The following BCAS3 variants were observed in gnomAD, a reference collection of about 807,000 sequenced individuals.
BCAS3 encodes BCAS3 microtubule associated cell migration factor.
Under a neutral mutation model 116.1 loss-of-function variants are expected in BCAS3, and 53 were observed. The ratio of observed to expected loss-of-function variants is 0.46; its 90% CI spans 0.37 to 0.57. BCAS3 has a LOEUF of 0.57. Ranked by LOEUF, BCAS3 falls within the 20% of genes least tolerant of loss-of-function variation. The pLI, the probability that BCAS3 is intolerant of heterozygous loss-of-function variation, is 0.00. For synonymous variants in BCAS3, 391 were observed against 408.2 expected (o/e 0.96, Z 0.51); for missense variants, 917 against 1,165.4 (o/e 0.79, Z 3.10).
At chr17:60,953,161 A>G (rs1056703281) in intron 14 of BCAS3, among the ~76,000 whole-genome samples, 13 of 152,062 alleles carry the variant, frequency 8.5e-5, no homozygotes, top group African/African-American at 2.9e-4. Context: ...TTGAATGGCA[A>G]TTCCGTTTTT....
rs546664355 is a variant in BCAS3, at chr17:61,278,198, A to G, written c.2426-90129A>G. Among the ~76,000 whole-genome samples the G allele has an allele frequency of 3.3e-5, 5 of 152,268 alleles. No homozygotes were observed. The East Asian group carries it at 9.6e-4, about 29-fold the overall frequency. The stretch of plus-strand genomic sequence containing the variant: ...GCTGGGATTACAGACACATGCCACG[A>G]TGCCCAGCTAATTTTTGTATTTTTA... On this transcript the variant is annotated intron_variant, in intron 22 of 23. Coordinates refer to ENST00000407086, the MANE Select transcript of BCAS3 (RefSeq NM_017679.5). This position sits in a 1 kb window ranked among gnomAD's most constrained non-coding sequence, Gnocchi z 5.8.
At chr17:61,149,958 T>A (rs2077453075) in intron 22 of BCAS3, among the ~76,000 whole-genome samples, 1 of 152,086 alleles carries the variant, frequency 6.6e-6, no homozygotes, top group South Asian at 2.1e-4. Flanking sequence ...GTGGAAAAGG[T>A]GGTAACAATT....
Position 61,381,518 on chromosome 17 carries a change from T to C in BCAS3, c.2594-10459T>C, listed in dbSNP as rs140461664. 6.6e-6 allele frequency among the ~76,000 whole-genome samples: 1 copy of C among 152,310 alleles called. No individual in the cohort carries two copies. The highest frequency in any genetic ancestry group is 2.4e-5 in the African/African-American group (1 of 41,562). ...CCCAACACCATTCCTTTGGCTAGGC[T>C]TGGCCTAGAACACTAGACCAAGAAC... is the stretch of plus-strand genomic sequence containing the variant. On this transcript the variant is annotated intron_variant, in intron 23 of 23. Transcript: ENST00000407086. This position sits in a 1 kb window ranked among gnomAD's most constrained non-coding sequence, Gnocchi z 6.0.
Position 61,309,061 on chromosome 17 carries a change from GA to G in BCAS3, c.2426-59264del, listed in dbSNP as rs1190004916. 7.2e-5 allele frequency among the ~76,000 whole-genome samples: 11 copies of G among 152,214 alleles called. No homozygotes were observed. In the East Asian group the frequency reaches 2.1e-3, roughly 29 times the overall value. On this transcript the variant is annotated intron_variant, in intron 22 of 23. Coordinates refer to ENST00000407086, the MANE Select transcript of BCAS3 (RefSeq NM_017679.5). This position sits in a 1 kb window ranked among gnomAD's most constrained non-coding sequence, Gnocchi z 4.6. ...CCCTCCTCTGAGTGTCTTCAGCATG[GA>G]ATCCTCTTTCTTTCAGGAGTCCGTG...
At chr17:60,910,739 T>G (rs2058448967) in intron 12 of BCAS3, 37 bp downstream of exon 12, 1 of 1,534,416 alleles carries the variant, frequency 6.5e-7, no homozygotes, top group African/African-American at 1.4e-5. Flanking sequence ...TGTGTGTTAC[T>G]TGCAAAGATG....
At chr17:61,040,110 A>C (rs796205907) in intron 18 of BCAS3, among the ~76,000 whole-genome samples, 1 of 152,244 alleles carries the variant, frequency 6.6e-6, no homozygotes, top group African/African-American at 2.4e-5. Context: ...TGCTCCTGAC[A>C]TGTATGGAAG....
Position 61,037,773 on chromosome 17 carries a change from T to C in BCAS3, c.1763-116T>C. 1.0e-6 allele frequency: 1 copy of C among 995,654 alleles called. No individual in the cohort carries two copies. The highest frequency in any genetic ancestry group is 1.4e-6 in the Non-Finnish European group (1 of 712,192). 61.7% of individuals were successfully genotyped at this position (995,654 alleles called of 1,614,324 possible). On this transcript the variant is annotated intron_variant, in intron 17 of 23. Transcript: ENST00000407086. This position sits in a 1 kb window ranked among gnomAD's most constrained non-coding sequence, Gnocchi z 4.7. Reference sequence around the variant, plus strand: ...AAAAAAAGAAAAAAATTCCTGTCTTTTCATTTTCTCTGAGCAGCCTCAGGA... The same window carrying C: ...AAAAAAAGAAAAAAATTCCTGTCTTCTCATTTTCTCTGAGCAGCCTCAGGA...
intron 14 of BCAS3, among the ~76,000 whole-genome samples, chr17:60,951,700 T>A (rs1404547544): frequency 6.6e-6 from 1 of 152,000 alleles, no homozygotes; most frequent in Admixed American, 6.6e-5. Context: ...TGTTTATTTC[T>A]AATTAATATC....
chr17:61,075,030 T>A lies in BCAS3; in HGVS notation c.2130+10T>A. 2 of 1,583,468 alleles carry A rather than the reference T, an allele frequency of 1.3e-6. No homozygotes were observed. The highest frequency in any genetic ancestry group is 2.2e-5 in the East Asian group (1 of 44,670). Reference sequence around the variant, plus strand: ...AGAATGGCTTTCCCAGGTAAAACTCTGAAATATTGAGAGTATTAAAGTAAA... The same window carrying A: ...AGAATGGCTTTCCCAGGTAAAACTCAGAAATATTGAGAGTATTAAAGTAAA... On this transcript the variant is annotated intron_variant, in intron 20 of 23. Transcript: ENST00000407086.
Position 61,139,002 on chromosome 17 carries a change from A to G in BCAS3, c.2425+54438A>G, listed in dbSNP as rs2076787091. Among the ~76,000 whole-genome samples, 1 of 152,222 alleles carries G rather than the reference A, an allele frequency of 6.6e-6. No individual in the cohort carries two copies. The highest frequency in any genetic ancestry group is 2.4e-5 in the African/African-American group (1 of 41,470). The stretch of plus-strand genomic sequence containing the variant: ...CTGAATTAGCTGTAATCTTCAAGTT[A>G]TTTTTAAACCCACTTTATGCTTTTG... On this transcript the variant is annotated intron_variant, in intron 22 of 23. Coordinates refer to ENST00000407086, the MANE Select transcript of BCAS3 (RefSeq NM_017679.5). The surrounding 1 kb of genome is among the most constrained non-coding windows in gnomAD (Gnocchi z 4.7).
chr17:61,069,890 A>C (rs183336907), intron 19 of BCAS3: 9 of 1,261,296 alleles, frequency 7.1e-6, no homozygotes, highest in Non-Finnish European at 1.0e-5. Flanking sequence ...AAAGCGAAGA[A>C]GGAAGCTCCT....
chr17:61,231,604 T>A (rs1044449491), intron 22 of BCAS3, among the ~76,000 whole-genome samples: 1 of 152,100 alleles, frequency 6.6e-6, no homozygotes, highest in African/African-American at 2.4e-5. Flanking sequence ...AGACAGTGGC[T>A]CATACCTGTA....
At chr17:61,038,668 GTTTTTTTT>G (rs1244364326) in intron 18 of BCAS3, among the ~76,000 whole-genome samples, 17 of 113,918 alleles carry the variant, frequency 1.5e-4, no homozygotes, top group African/African-American at 4.7e-4. Flanking sequence ...TTTTGTTTTT[GTTTTTTTT>G]TTTTTTTTTT....
chr17:61,108,724 A>G (rs757157473), intron 22 of BCAS3, among the ~76,000 whole-genome samples: 14 of 151,118 alleles, frequency 9.3e-5, no homozygotes, highest in Non-Finnish European at 1.5e-4. Flanking sequence ...AGCAGTGTAC[A>G]CTGTATCCAA....
chr17:61,097,372 A>T lies in BCAS3; in HGVS notation c.2425+12808A>T, dbSNP rs1686080084. The stretch of plus-strand genomic sequence containing the variant: ...TTTTTGTATTTTTAATAGAGACGGG[A>T]TTTCACCATGTTAGCCAGGATGGTC... On this transcript the variant is annotated intron_variant, in intron 22 of 23. Coordinates refer to ENST00000407086, the MANE Select transcript of BCAS3 (RefSeq NM_017679.5). This position sits in a 1 kb window ranked among gnomAD's most constrained non-coding sequence, Gnocchi z 4.0. Among the ~76,000 whole-genome samples, 1 of 151,834 alleles carries T rather than the reference A, an allele frequency of 6.6e-6. No individual in the cohort carries two copies. Among genetic ancestry groups the T allele is most frequent in the Non-Finnish European group, 1.5e-5 (1 of 67,928 alleles).
At chr17:60,850,822 A>T (rs550579782) in intron 7 of BCAS3, among the ~76,000 whole-genome samples, 26 of 152,224 alleles carry the variant, frequency 1.7e-4, no homozygotes, top group Admixed American at 1.4e-3. Flanking sequence ...CAAAAGATCT[A>T]TATGAGTAAA....
intron 22 of BCAS3, among the ~76,000 whole-genome samples, chr17:61,236,691 T>C (rs1280241340): frequency 6.6e-6 from 1 of 151,724 alleles, no homozygotes; most frequent in African/African-American, 2.4e-5. Context: ...CAAATGGCTA[T>C]AAAAAGATGG....
At chr17:60,951,606 C>T (rs1356668596) in intron 14 of BCAS3, among the ~76,000 whole-genome samples, 2 of 152,052 alleles carry the variant, frequency 1.3e-5, no homozygotes, top group Admixed American at 1.3e-4. Flanking sequence ...CACTGGAGAT[C>T]TGAGGATTAA....
rs1431639795 is a variant in BCAS3 at position 61,387,570 on chromosome 17, G to A, written c.2594-4407G>A. The stretch of plus-strand genomic sequence containing the variant: ...GAGCGGAGGCACCTTTCCTTCAGTT[G>A]CTACTCATTCATCATCCCCCTACCC... On this transcript the variant is annotated intron_variant, in intron 23 of 23. Transcript: ENST00000407086. The surrounding 1 kb of genome is among the most constrained non-coding windows in gnomAD (Gnocchi z 6.2). Among the ~76,000 whole-genome samples the A allele has an allele frequency of 2.6e-5, 4 of 152,062 alleles. No individual in the cohort carries two copies. Among genetic ancestry groups the A allele is most frequent in the Admixed American group, 1.3e-4 (2 of 15,276 alleles).
Sources: allele counts gnomAD v4.1 joint callset (sites outside exome capture counted in the v4.1 genomes callset), GRCh38; gene constraint gnomAD v4.1.1; non-coding constraint Gnocchi (gnomAD v3.1); transcripts MANE v1.5; gene names NCBI Gene and HGNC (gene_info 2026-07-23, HGNC 2026-07-21).